The following DSCAML1 variants were observed in gnomAD, a reference collection of about 807,000 sequenced individuals.
DSCAML1 encodes the protein DS cell adhesion molecule like 1.
Under a neutral mutation model 200.5 loss-of-function variants are expected in DSCAML1, and 38 were observed. The observed-to-expected ratio is 0.19, with a 90% CI of 0.15 to 0.25. The LOEUF (loss-of-function observed/expected upper bound fraction) is 0.25. Among genes scored for constraint, DSCAML1 ranks in the 10% least tolerant of loss-of-function variants. DSCAML1 has a pLI of 1.00. For missense variants in DSCAML1, 2,223 were observed against 2,858.8 expected (o/e 0.78, Z 5.07); for synonymous variants, 1,215 against 1,165.0 (o/e 1.04, Z -0.87).
chr11:117,633,736 T>C (rs933687046), intron 3 of DSCAML1, among the ~76,000 whole-genome samples: 2 of 152,330 alleles, frequency 1.3e-5, no homozygotes, highest in African/African-American at 2.4e-5. Context: ...GGGAAGACAC[T>C]TGTCTGTTCG....
At chr11:117,538,423 T>G (rs2050205726) in intron 3 of DSCAML1, among the ~76,000 whole-genome samples, 1 of 152,150 alleles carries the variant, frequency 6.6e-6, no homozygotes, top group Non-Finnish European at 1.5e-5. Flanking sequence ...CCGGAGTAGC[T>G]GAGGTTGGGG....
At chr11:117,770,211 C>T (rs1394256363) in intron 3 of DSCAML1, among the ~76,000 whole-genome samples, 1 of 152,224 alleles carries the variant, frequency 6.6e-6, no homozygotes, top group African/African-American at 2.4e-5. Context: ...AGGAAAGGAA[C>T]AGATCATGGC....
At chr11:117,757,570 CTA>C (rs903514357) in intron 3 of DSCAML1, among the ~76,000 whole-genome samples, 2 of 99,986 alleles carry the variant, frequency 2.0e-5, no homozygotes, top group African/African-American at 7.7e-5. Context: ...AATTAGGAGC[CTA>C]TACACACACA....
chr11:117,709,550 C>T (rs2053806850), intron 3 of DSCAML1, among the ~76,000 whole-genome samples: 1 of 152,048 alleles, frequency 6.6e-6, no homozygotes, highest in Non-Finnish European at 1.5e-5. Context: ...GGGGGGAGTG[C>T]ACAAACATTC....
intron 3 of DSCAML1, among the ~76,000 whole-genome samples, chr11:117,584,192 C>T (rs934861997): frequency 1.3e-5 from 2 of 152,204 alleles, no homozygotes; most frequent in South Asian, 2.1e-4. Flanking sequence ...CCTCATCTCC[C>T]GGTCTCTAAC....
At chr11:117,597,306 A>C (rs892680122) in intron 3 of DSCAML1, among the ~76,000 whole-genome samples, 7 of 152,216 alleles carry the variant, frequency 4.6e-5, no homozygotes, top group Admixed American at 4.6e-4. Flanking sequence ...GAACGGCCTC[A>C]GTCACCTTAC....
chr11:117,601,807 T>C (rs1475083723), intron 3 of DSCAML1, among the ~76,000 whole-genome samples: 1 of 152,238 alleles, frequency 6.6e-6, no homozygotes, highest in African/African-American at 2.4e-5. Flanking sequence ...TTCAGGAGCC[T>C]GGCCTTCCTC....
chr11:117,497,086 G>A (rs1353902925), intron 11 of DSCAML1, among the ~76,000 whole-genome samples: 3 of 152,084 alleles, frequency 2.0e-5, no homozygotes, highest in Middle Eastern at 3.2e-3. Flanking sequence ...TGGAACTGGC[G>A]ACACATGCCC....
At chr11:117,565,561 C>A (rs953289817) in intron 3 of DSCAML1, among the ~76,000 whole-genome samples, 3 of 152,178 alleles carry the variant, frequency 2.0e-5, no homozygotes, top group African/African-American at 7.2e-5. Context: ...CCCATGAGGG[C>A]AGGGATCTTT....
intron 3 of DSCAML1, among the ~76,000 whole-genome samples, chr11:117,603,260 T>G (rs2051501265): frequency 1.3e-5 from 2 of 152,354 alleles, no homozygotes; most frequent in African/African-American, 2.4e-5. Context: ...ATCCTCATCC[T>G]AAAACTGGTA....
At position 117,516,720 on chromosome 11, in the gene DSCAML1, A is replaced by T. The variant is rs146338639; in HGVS notation, c.1530T>A (p.Ala510=). ...INVRGPPSIR[A]MRNITAVAGR... ...CGGCGACTGCTGTGATGTTCCGCAT[A>T]GCCCGGATGCTGGGTGGGCCTGGGC... Residue 510 remains alanine, a synonymous_variant, in exon 8 of 33, where the codon GCT becomes GCA. Transcript: ENST00000651296. The surrounding 1 kb of genome is among the most constrained non-coding windows in gnomAD (Gnocchi z 5.7). 3.1e-6 allele frequency: 5 copies of T among 1,613,386 alleles called. No individual in the cohort carries two copies. The highest frequency in any genetic ancestry group is 1.3e-5 in the African/African-American group (1 of 74,924).
At chr11:117,630,503 GTCTC>G (rs1342956913) in intron 3 of DSCAML1, among the ~76,000 whole-genome samples, 1 of 151,960 alleles carries the variant, frequency 6.6e-6, no homozygotes, top group Non-Finnish European at 1.5e-5. Context: ...TGGCGGGCCT[GTCTC>G]TCTATTGCCC....
At chr11:117,546,798 C>G (rs904605629) in intron 3 of DSCAML1, among the ~76,000 whole-genome samples, 5 of 152,124 alleles carry the variant, frequency 3.3e-5, no homozygotes, top group African/African-American at 1.2e-4. Flanking sequence ...CTATCTTTCT[C>G]TACCCCAGGA....
At chr11:117,712,058 C>T (rs1479486900) in intron 3 of DSCAML1, among the ~76,000 whole-genome samples, 2 of 152,136 alleles carry the variant, frequency 1.3e-5, no homozygotes, top group Admixed American at 1.3e-4. Context: ...TTAAAATCTA[C>T]CATGGCATTA....
chr11:117,743,852 G>A (rs575990522), intron 3 of DSCAML1, among the ~76,000 whole-genome samples: 56 of 152,302 alleles, frequency 3.7e-4, no homozygotes, highest in African/African-American at 1.2e-3. Flanking sequence ...CCGCCGCCAT[G>A]GGGAGAAGGT....
rs1337145891 is a variant in DSCAML1 at position 117,516,334 on chromosome 11, A to C, written c.1783+133T>G. 3.4e-6 allele frequency: 4 copies of C among 1,179,876 alleles called. No individual in the cohort carries two copies. Among genetic ancestry groups the C allele is most frequent in the Non-Finnish European group, 4.7e-6 (4 of 855,746 alleles). 73.1% of individuals were successfully genotyped at this position (1,179,876 alleles called of 1,614,324 possible). On this transcript the variant is annotated intron_variant, in intron 8 of 32. Transcript: ENST00000651296. The surrounding 1 kb of genome is among the most constrained non-coding windows in gnomAD (Gnocchi z 5.7). ...CCTGCTCCCTTTTTTCTGAATGCCA[A>C]GCTGGGGCCTCTCTTGCTCAGCCTT...
chr11:117,539,916 T>C (rs2050237036), intron 3 of DSCAML1, among the ~76,000 whole-genome samples: 1 of 152,206 alleles, frequency 6.6e-6, no homozygotes, highest in Non-Finnish European at 1.5e-5. Flanking sequence ...ATGTGATATA[T>C]ACATACAATG....
rs369231767 is a variant in DSCAML1, at chr11:117,439,421, G to A, written c.3989C>T (p.Ser1330Leu). 3.4e-5 allele frequency: 55 copies of A among 1,612,348 alleles called. No individual in the cohort carries two copies. The highest frequency in any genetic ancestry group is 1.8e-4 in the Middle Eastern group (1 of 5,514). The change falls in exon 23 of 33, where the codon TCG becomes TTG. Residue 1330 changes from serine to leucine, a missense_variant. Around this residue, in one of 7 missense-constraint regions of DSCAML1, gnomAD observed 614 missense variants for 739.1 expected, o/e 0.83. Transcript: ENST00000651296. ...AVKWTKDSED[S>L]AIPVSMDGHR... ...CCCATCCATGGACACTGGAATGGCC[G>A]AGTCTTCACTGCCAGGGGCGAGGAT...
At chr11:117,733,724 T>TCATCTTCCTCTGGGC (rs2054266455) in intron 3 of DSCAML1, among the ~76,000 whole-genome samples, 4 of 152,126 alleles carry the variant, frequency 2.6e-5, no homozygotes, top group African/African-American at 9.7e-5. Flanking sequence ...ACCATCTGGA[T>TCATCTTCCTCTGGGC]AAGTCATCTT....
Sources: allele counts gnomAD v4.1 joint callset (sites outside exome capture counted in the v4.1 genomes callset), GRCh38; gene constraint gnomAD v4.1.1; regional missense constraint gnomAD v4.1.1; non-coding constraint Gnocchi (gnomAD v3.1); transcripts MANE v1.5; gene names NCBI Gene and HGNC (gene_info 2026-07-23, HGNC 2026-07-21).